Variants in AGO3 observed in about 807,000 individuals in gnomAD.
The protein encoded by AGO3 is argonaute RISC catalytic component 3.
Under a neutral mutation model 105.5 loss-of-function variants are expected in AGO3, and 16 were observed. The ratio of observed to expected loss-of-function variants is 0.15; its 90% CI spans 0.10 to 0.23. The LOEUF is 0.23. Ranked by LOEUF, AGO3 falls within the 10% of genes least tolerant of loss-of-function variation. The pLI is 1.00. For missense variants in AGO3, 534 were observed against 1,088.0 expected, an observed-to-expected ratio of 0.49 and a Z score of 7.16; for synonymous variants, 340 against 367.3, an observed-to-expected ratio of 0.93 and a Z score of 0.85.
chr1:36,051,679 A>C (rs1164716017), intron 17 of AGO3, among the ~76,000 whole-genome samples: 6 of 152,206 alleles, frequency 3.9e-5, no homozygotes, highest in Non-Finnish European at 8.8e-5. Context: ...TGGGCAACAG[A>C]ACAAGACTCT....
chr1:36,018,163 G>A (rs937144077), intron 11 of AGO3, among the ~76,000 whole-genome samples: 4 of 151,744 alleles, frequency 2.6e-5, no homozygotes, highest in African/African-American at 9.7e-5. Flanking sequence ...TTAGTAGAGC[G>A]GGGTTTCACC....
chr1:35,946,219 A>G (rs1166406176), intron 2 of AGO3, among the ~76,000 whole-genome samples: 1 of 152,134 alleles, frequency 6.6e-6, no homozygotes, highest in Non-Finnish European at 1.5e-5. Flanking sequence ...CCACTTTCAT[A>G]ATGTTCCCTT....
intron 3 of AGO3, 72 bp from the exon 4 acceptor site, chr1:35,971,952 T>C: frequency 1.4e-6 from 2 of 1,382,226 alleles, no homozygotes; most frequent in Non-Finnish European, 2.0e-6. Flanking sequence ...TAGATATTTT[T>C]ATAAGTTAAA....
chr1:35,986,777 C>T (rs959558705), intron 5 of AGO3, among the ~76,000 whole-genome samples: 6 of 151,804 alleles, frequency 4.0e-5, no homozygotes, highest in African/African-American at 1.5e-4. Context: ...GGGTGGATCA[C>T]TTGAGGTCAG....
chr1:35,997,266 GA>G (rs949389243), intron 5 of AGO3, among the ~76,000 whole-genome samples: 2 of 152,012 alleles, frequency 1.3e-5, no homozygotes, highest in Admixed American at 6.6e-5. Flanking sequence ...GTGACAAAGT[GA>G]GACTCCATCT....
In AGO3 at chr1:35,950,574, CT is replaced by C. The variant is rs1557647178; in HGVS notation, c.191+4714del. ...GGGGGCCAAGTTGGGGAAGGAGATT[CT>C]TTCCTTCCTTCTTTTCCCCCTATTA... On this transcript the variant is annotated intron_variant, in intron 2 of 18. Coordinates refer to ENST00000373191, the MANE Select transcript of AGO3 (RefSeq NM_024852.4). 2.0e-5 allele frequency among the ~76,000 whole-genome samples: 3 copies of C among 152,184 alleles called. No individual in the cohort carries two copies. The East Asian group carries it at 5.8e-4, about 29-fold the overall frequency.
chr1:36,052,863 T>G (rs1366995540), intron 17 of AGO3, among the ~76,000 whole-genome samples: 3 of 151,948 alleles, frequency 2.0e-5, no homozygotes, highest in Non-Finnish European at 4.4e-5. Flanking sequence ...AATAAAAAAA[T>G]TAGCTGGGTG....
intron 1 of AGO3, among the ~76,000 whole-genome samples, chr1:35,939,313 C>CAGAATTCATGCAT (rs1553159618): frequency 6.6e-6 from 1 of 151,890 alleles, no homozygotes; most frequent in Non-Finnish European, 1.5e-5. Context: ...ATTCATGCAA[C>CAGAATTCATGCAT]AGAATTTTGC....
Position 36,004,491 on chromosome 1 carries a change from T to C in AGO3, c.793+16T>C, listed in dbSNP as rs757443090. 1.3e-6 allele frequency: 2 copies of C among 1,573,988 alleles called. No homozygotes were observed. Among genetic ancestry groups the C allele is most frequent in the African/African-American group, 1.3e-5 (1 of 74,310 alleles). On this transcript the variant is annotated intron_variant, in intron 6 of 18. Coordinates refer to ENST00000373191, the MANE Select transcript of AGO3 (RefSeq NM_024852.4). ...GAGATAAAAGGTGAATTAATTAGCA[T>C]TTAGCACAACTTAACTATAAAATGC... is the stretch of plus-strand genomic sequence containing the variant.
chr1:35,966,882 A>G (rs948783475), intron 2 of AGO3, 73 bp from the exon 3 acceptor site: 27 of 1,489,578 alleles, frequency 1.8e-5, no homozygotes, highest in African/African-American at 2.8e-5. Context: ...ACAGTGGCAG[A>G]AATTACTTCT....
intron 11 of AGO3, among the ~76,000 whole-genome samples, chr1:36,014,554 A>C (rs1441554999): frequency 2.0e-5 from 3 of 151,058 alleles, no homozygotes; most frequent in Non-Finnish European, 4.4e-5. Flanking sequence ...GGTGGATCAC[A>C]AGGTCAGGAG....
In AGO3 at chr1:36,055,083, G is replaced by T; in HGVS notation, c.2412G>T (p.Ala804=). The T allele has an allele frequency of 6.2e-7, 1 of 1,613,882 alleles. No homozygotes were observed. Among genetic ancestry groups the T allele is most frequent in the African/African-American group, 1.3e-5 (1 of 75,020 alleles). Residue 804 remains alanine (A), a synonymous_variant, in exon 18 of 19, where the codon GCG becomes GCT. Coordinates refer to ENST00000373191, the MANE Select transcript of AGO3 (RefSeq NM_024852.4). The surrounding 1 kb of genome is among the most constrained non-coding windows in gnomAD (Gnocchi z 4.4). ...GATCTGTTTCTATACCTGCACCAGC[G>T]TATTATGCTCACCTGGTAGCATTTA... is the stretch of plus-strand genomic sequence containing the variant. The part of the protein sequence containing the change: ...CTRSVSIPAP[A]YYAHLVAFRA...
At chr1:35,944,922 C>T (rs577744605) in intron 1 of AGO3, among the ~76,000 whole-genome samples, 1 of 152,286 alleles carries the variant, frequency 6.6e-6, no homozygotes, top group South Asian at 2.1e-4. Context: ...CCCACCTCAG[C>T]CTCCTGTGTA....
Position 36,067,169 on chromosome 1 carries a change from T to TGAAA in AGO3, c.*11425_*11426insAAAG, listed in dbSNP as rs1643106021. ...CCTTTCCAGACAATGTAGTCTTTCC[T>TGAAA]GTAAAGAAAATGGTTTTGGTGTGGG... On this transcript the variant is annotated 3_prime_UTR_variant, in exon 19 of 19. Coordinates refer to ENST00000373191, the MANE Select transcript of AGO3 (RefSeq NM_024852.4). 6.6e-6 allele frequency: 1 copy of TGAAA among 151,942 alleles called. No homozygotes were observed. The highest frequency in any genetic ancestry group is 1.5e-5 in the Non-Finnish European group (1 of 67,980). 9.4% of individuals were successfully genotyped at this position (151,942 alleles called of 1,614,324 possible). A position where few individuals can be genotyped will look rare whatever the true frequency, so the allele number is the denominator to read the frequency against.
intron 6 of AGO3, among the ~76,000 whole-genome samples, chr1:36,004,773 A>G (rs1640262166): frequency 6.6e-6 from 1 of 152,266 alleles, no homozygotes; most frequent in East Asian, 1.9e-4. Flanking sequence ...ATACTGTTAA[A>G]AGTAGGAAGC....
At chr1:35,992,368 G>A (rs925803848) in intron 5 of AGO3, 3 of 152,108 alleles carry the variant, frequency 2.0e-5, no homozygotes, top group Non-Finnish European at 4.4e-5. Flanking sequence ...GAGGATATAG[G>A]ACTCTACCTG....
At chr1:36,048,490 A>G (rs1358560676) in intron 17 of AGO3, among the ~76,000 whole-genome samples, 8 of 152,200 alleles carry the variant, frequency 5.3e-5, no homozygotes, top group Non-Finnish European at 1.0e-4. Context: ...ACTCACTGGT[A>G]GAACAGATAC....
intron 1 of AGO3, among the ~76,000 whole-genome samples, chr1:35,932,773 C>G (rs1646077277): frequency 6.6e-6 from 1 of 152,096 alleles, no homozygotes; most frequent in Non-Finnish European, 1.5e-5. Flanking sequence ...TACTGTTTTA[C>G]TGTACAGGAG....
At chr1:35,943,034 G>T (rs181242991) in intron 1 of AGO3, among the ~76,000 whole-genome samples, 2 of 151,204 alleles carry the variant, frequency 1.3e-5, no homozygotes, top group Non-Finnish European at 1.5e-5. Flanking sequence ...ACGGAGTCTC[G>T]CTCTGTCACC....
Sources: gnomAD v4.1 joint callset for allele counts (sites outside exome capture counted in the v4.1 genomes callset) on GRCh38, gnomAD v4.1.1 for gene constraint, Gnocchi (gnomAD v3.1) non-coding constraint, MANE v1.5 for transcripts, NCBI Gene and HGNC (gene_info 2026-07-23, HGNC 2026-07-21) for gene names.